The following SLC35D4 variants were observed in gnomAD, a reference collection of about 807,000 sequenced individuals.
The protein encoded by SLC35D4 is UDP-N-acetylglucosamine transporter SLC35D4.
At chr18:23,256,146 C>G in the SLC35D4 span, among the ~76,000 whole-genome samples, 2 of 152,234 alleles carry the variant, frequency 1.3e-5, no homozygotes, top group African/African-American at 4.8e-5. Context: ...CAGTCAACAT[C>G]TGCTCTGTGG....
chr18:23,291,019 A>G, the SLC35D4 span, among the ~76,000 whole-genome samples: 1 of 152,196 alleles, frequency 6.6e-6, no homozygotes, highest in African/African-American at 2.4e-5. Context: ...ATTCGTGGTT[A>G]TATCCTCAGA....
chr18:23,375,785 T>A, the SLC35D4 span, among the ~76,000 whole-genome samples: 1 of 152,314 alleles, frequency 6.6e-6, no homozygotes, highest in East Asian at 1.9e-4. Context: ...TTAAAAATTC[T>A]TGCTCAAAAA....
At chr18:23,267,170 C>T in the SLC35D4 span, among the ~76,000 whole-genome samples, 27 of 152,208 alleles carry the variant, frequency 1.8e-4, no homozygotes, top group African/African-American at 5.8e-4. Context: ...CTTGAGGAAC[C>T]GGGGGCAGTT....
At chr18:23,398,040 C>A in the SLC35D4 span, among the ~76,000 whole-genome samples, 1 of 152,210 alleles carries the variant, frequency 6.6e-6, no homozygotes, top group East Asian at 1.9e-4. Context: ...CTAGCCTGAG[C>A]CACAAGACCA....
the SLC35D4 span, among the ~76,000 whole-genome samples, chr18:23,342,282 C>A: frequency 6.6e-6 from 1 of 152,098 alleles, no homozygotes; most frequent in African/African-American, 2.4e-5. Flanking sequence ...ATAAAATTGC[C>A]TTTTTATGGG....
chr18:23,307,884 G>A, the SLC35D4 span, among the ~76,000 whole-genome samples: 1 of 152,100 alleles, frequency 6.6e-6, no homozygotes, highest in Non-Finnish European at 1.5e-5. Context: ...TCCTTCTGAA[G>A]AACCCACCTG....
At chr18:23,410,649 T>G in the SLC35D4 span, among the ~76,000 whole-genome samples, 2 of 151,662 alleles carry the variant, frequency 1.3e-5, no homozygotes, top group Admixed American at 6.6e-5. Context: ...ATACAAAAAG[T>G]AGCCGGGCAT....
the SLC35D4 span, among the ~76,000 whole-genome samples, chr18:23,396,154 T>C: frequency 2.6e-5 from 4 of 152,176 alleles, no homozygotes; most frequent in Admixed American, 1.3e-4. Context: ...GCTTTTCCCA[T>C]AGCATCTGTG....
At chr18:23,297,870 T>TG in the SLC35D4 span, 1 of 1,002,754 alleles carries the variant, frequency 1.0e-6, no homozygotes, top group East Asian at 2.6e-5. Flanking sequence ...GTGATGGCAC[T>TG]GCCCACCTGG....
chr18:23,283,545 C>A, the SLC35D4 span, among the ~76,000 whole-genome samples: 3 of 151,266 alleles, frequency 2.0e-5, no homozygotes, highest in East Asian at 1.9e-4. Flanking sequence ...CACAGTGGCT[C>A]ACGCCTCTAA....
chr18:23,253,074 A>AG, the SLC35D4 span: 1 of 1,552,086 alleles, frequency 6.4e-7, no homozygotes, highest in Non-Finnish European at 8.9e-7. Context: ...GAGGTACGGG[A>AG]GGCTGGACTT....
chr18:23,329,893 A>G, the SLC35D4 span, among the ~76,000 whole-genome samples: 2 of 152,236 alleles, frequency 1.3e-5, no homozygotes, highest in Non-Finnish European at 2.9e-5. Context: ...GGATGAGTTA[A>G]TGTCCTTTGC....
chr18:23,311,620 A>G, the SLC35D4 span, among the ~76,000 whole-genome samples: 1 of 152,190 alleles, frequency 6.6e-6, no homozygotes, highest in Non-Finnish European at 1.5e-5. Flanking sequence ...CCCTGGATCT[A>G]GATCTCCTAG....
the SLC35D4 span, among the ~76,000 whole-genome samples, chr18:23,280,797 A>G: frequency 6.6e-6 from 1 of 152,174 alleles, no homozygotes; most frequent in Admixed American, 6.5e-5. Flanking sequence ...GCTGAAAAAT[A>G]AAACTTAAAC....
At chr18:23,266,978 G>C in the SLC35D4 span, among the ~76,000 whole-genome samples, 1 of 151,976 alleles carries the variant, frequency 6.6e-6, no homozygotes. Flanking sequence ...ACCTAGCCTA[G>C]GCCCCCCACT....
the SLC35D4 span, among the ~76,000 whole-genome samples, chr18:23,305,422 C>G: frequency 6.6e-6 from 1 of 152,226 alleles, no homozygotes; most frequent in African/African-American, 2.4e-5. Flanking sequence ...TTTGTACACA[C>G]AGACCTGGGT....
chr18:23,354,696 C>T, the SLC35D4 span, among the ~76,000 whole-genome samples: 5 of 152,176 alleles, frequency 3.3e-5, no homozygotes, highest in Admixed American at 3.3e-4. Context: ...GTCTTTCCCT[C>T]TCCTCTATGC....
At chr18:23,246,573 A>G in the SLC35D4 span, among the ~76,000 whole-genome samples, 2 of 151,576 alleles carry the variant, frequency 1.3e-5, no homozygotes, top group Non-Finnish European at 2.9e-5. Flanking sequence ...TTGTGTTTTT[A>G]GTAGAGATGG....
At chr18:23,309,786 G>A in the SLC35D4 span, 1 of 1,582,246 alleles carries the variant, frequency 6.3e-7, no homozygotes, top group Non-Finnish European at 8.7e-7. Context: ...TACCAGCAGG[G>A]CTCTGGAAAC....
Sources: gnomAD v4.1 joint callset for allele counts (sites outside exome capture counted in the v4.1 genomes callset) on GRCh38, gnomAD v4.1.1 for gene constraint, MANE v1.5 for transcripts, NCBI Gene and HGNC (gene_info 2026-07-23, HGNC 2026-07-21) for gene names.